PCDHGA2: variants seen among roughly 807,000 people sequenced by gnomAD.
The protein encoded by PCDHGA2 is protocadherin gamma-A2.
PCDHGA2 carries 40 observed loss-of-function variants against 59.2 expected under a neutral mutation model. The observed-to-expected ratio is 0.68, with a 90% CI of 0.52 to 0.88. PCDHGA2 has a LOEUF of 0.88. Ranked by LOEUF, PCDHGA2 falls within the 40% of genes least tolerant of loss-of-function variation. The pLI, the probability that PCDHGA2 is intolerant of heterozygous loss-of-function variation, is 0.00. For missense variants in PCDHGA2, 1,226 were observed against 1,204.0 expected, an observed-to-expected ratio of 1.02 and a Z score of -0.27; for synonymous variants, 560 against 526.0, an observed-to-expected ratio of 1.06 and a Z score of -0.89.
chr5:141,388,060 A>G lies in PCDHGA2; in HGVS notation c.2424+46665A>G, dbSNP rs1429863107. 16 of 1,381,916 alleles carry G rather than the reference A, an allele frequency of 1.2e-5. No individual in the cohort carries two copies. The highest frequency in any genetic ancestry group is 2.5e-5 in the East Asian group (1 of 40,268). The allele number at this position is 1,381,916 out of a possible 1,614,324, so 85.6% of individuals were successfully genotyped here. Reference sequence around the variant, plus strand: ...GCCACGGACCTGGGGTTCAGCGTCCAGGAGTTACCGACTCGAAAACTGCGC... The same window carrying G: ...GCCACGGACCTGGGGTTCAGCGTCCGGGAGTTACCGACTCGAAAACTGCGC... On this transcript the variant is annotated intron_variant, in intron 1 of 3. Transcript: ENST00000394576.
rs777566456 is a variant in PCDHGA2, at chr5:141,405,216, A to G, written c.2424+63821A>G. On this transcript the variant is annotated intron_variant, in intron 1 of 3. Coordinates refer to ENST00000394576, the MANE Select transcript of PCDHGA2 (RefSeq NM_018915.4). ...CGAGCTTTCCTACAGACCTATTCTCAGGAGTTCTCCCTCACCGCTGACTCA... is the reference window on the plus strand; with the variant it reads ...CGAGCTTTCCTACAGACCTATTCTCGGGAGTTCTCCCTCACCGCTGACTCA... 27 of 1,613,806 alleles carry G rather than the reference A, an allele frequency of 1.7e-5. No individual in the cohort carries two copies. In the Admixed American group the frequency reaches 2.7e-4, roughly 16 times the overall value.
chr5:141,339,934 T>C lies in PCDHGA2; in HGVS notation c.963T>C (p.Ala321=), dbSNP rs748957161. The C allele has an allele frequency of 6.2e-7, 1 of 1,614,118 alleles. No homozygotes were observed. The highest frequency in any genetic ancestry group is 8.5e-7 in the Non-Finnish European group (1 of 1,180,000). ...DATFHEIDIE[A]QDGPGLLTRA... is the part of the protein sequence containing the mutation. ...CATTCCATGAAATTGATATTGAAGC[T>C]CAGGATGGTCCGGGCCTTCTAACCA... Residue 321 remains alanine (A), a synonymous_variant, in exon 1 of 4, where the codon GCT becomes GCC. Coordinates refer to ENST00000394576, the MANE Select transcript of PCDHGA2 (RefSeq NM_018915.4).
rs767521224 is a variant in PCDHGA2 at position 141,431,148 on chromosome 5, C to T, written c.2425-63659C>T. 3.7e-6 allele frequency: 6 copies of T among 1,614,146 alleles called. No homozygotes were observed. Among genetic ancestry groups the T allele is most frequent in the Admixed American group, 1.7e-5 (1 of 60,030 alleles). On this transcript the variant is annotated intron_variant, in intron 1 of 3. Coordinates refer to ENST00000394576, the MANE Select transcript of PCDHGA2 (RefSeq NM_018915.4). The surrounding 1 kb of genome is among the most constrained non-coding windows in gnomAD (Gnocchi z 4.8). Reference sequence around the variant, plus strand: ...GAAGTAAGGGACATTAACGACAATGCGCCTTACTTTCGTGAAAGTGAATTA... The same window carrying T: ...GAAGTAAGGGACATTAACGACAATGTGCCTTACTTTCGTGAAAGTGAATTA...
At chr5:141,450,006 CTTTTTTT>C (rs1554136305) in intron 1 of PCDHGA2, among the ~76,000 whole-genome samples, 12 of 132,986 alleles carry the variant, frequency 9.0e-5, no homozygotes, top group Non-Finnish European at 1.7e-4. Context: ...TGCCATGTCT[CTTTTTTT>C]TTTTTTTTTT....
chr5:141,340,296 T>C lies in PCDHGA2; in HGVS notation c.1325T>C (p.Val442Ala). ...ACGGATGCTCACATTTTGCTCCAGG[T>C]GGCAGACATCAACGACAACGCACCC... ...LSTDAHILLQ[V>A]ADINDNAPAF... The change falls in exon 1 of 4, where the codon GTG (valine) becomes GCG (alanine). Residue 442 changes from valine (V) to alanine (A), a missense_variant. Transcript: ENST00000394576. 1 of 1,614,148 alleles carries C rather than the reference T, an allele frequency of 6.2e-7. No homozygotes were observed. Among genetic ancestry groups the C allele is most frequent in the Non-Finnish European group, 8.5e-7 (1 of 1,180,026 alleles).
At chr5:141,365,937 A>G (rs1431683352) in intron 1 of PCDHGA2, 3 of 1,614,226 alleles carry the variant, frequency 1.9e-6, no homozygotes, top group Non-Finnish European at 2.5e-6. Context: ...ACAGCCAGCG[A>G]CAGTGGGAAC....
Position 141,339,390 on chromosome 5 carries a change from T to G in PCDHGA2, c.419T>G (p.Leu140Arg). The change falls in exon 1 of 4, where the codon CTA (leucine) becomes CGA (arginine). Residue 140 changes from leucine to arginine, a missense_variant. Physicochemically the swap from Leu to Arg is moderately radical, Grantham distance 102 (BLOSUM62 -2). Coordinates refer to ENST00000394576, the MANE Select transcript of PCDHGA2 (RefSeq NM_018915.4). ...APRFGVEELE[L>R]KISETTTPGF... is the part of the protein sequence containing the mutation. ...CGCTTTGGAGTAGAGGAACTGGAGC[T>G]AAAAATCAGTGAAACCACTACGCCA... The G allele has an allele frequency of 6.2e-7, 1 of 1,614,180 alleles. No individual in the cohort carries two copies. Among genetic ancestry groups the G allele is most frequent in the Non-Finnish European group, 8.5e-7 (1 of 1,180,012 alleles).
At chr5:141,407,874 T>C (rs2094995185) in intron 1 of PCDHGA2, 1 of 358,496 alleles carries the variant, frequency 2.8e-6, no homozygotes, top group South Asian at 5.6e-5. Context: ...GAAGAATATA[T>C]ACATTTCGGA....
At chr5:141,441,855 G>A in intron 1 of PCDHGA2, 3 of 351,872 alleles carry the variant, frequency 8.5e-6, no homozygotes, top group Admixed American at 4.0e-5. Flanking sequence ...ATATGGTGCT[G>A]CACGCCGCGG....
intron 1 of PCDHGA2, chr5:141,365,574 C>T: frequency 1.9e-6 from 3 of 1,613,636 alleles, no homozygotes; most frequent in South Asian, 1.1e-5. Context: ...AGAGAAGAGA[C>T]TTCAGATTAT....
rs555862315 is a variant in PCDHGA2 at position 141,340,347 on chromosome 5, C to T, written c.1376C>T (p.Thr459Ile). ...GCCTTCTCCCGCACATCCTACTCCA[C>T]CTACATTCCCGAAAACAACCCCAGA... The part of the protein sequence containing the change: ...APAFSRTSYS[T>I]YIPENNPRGA... Residue 459 changes from threonine (T) to isoleucine (I), a missense_variant, in exon 1 of 4, where the codon ACC becomes ATC. Physicochemically the swap from Thr to Ile is moderately conservative, Grantham distance 89. Transcript: ENST00000394576. 24 of 1,614,108 alleles carry T rather than the reference C, an allele frequency of 1.5e-5. No homozygotes were observed. The South Asian group carries it at 2.4e-4, about 16-fold the overall frequency.
At chr5:141,478,118 G>C in intron 1 of PCDHGA2, 2 of 1,614,048 alleles carry the variant, frequency 1.2e-6, no homozygotes, top group African/African-American at 1.3e-5. Context: ...GTCAGTAACC[G>C]AGGACTCTCC....
chr5:141,339,156 A>G lies in PCDHGA2; in HGVS notation c.185A>G (p.Gln62Arg), dbSNP rs769567605. Residue 62 changes from glutamine to arginine, a missense_variant, in exon 1 of 4, where the codon CAG becomes CGG. Physicochemically the swap from Gln to Arg is conservative, Grantham distance 43. Coordinates refer to ENST00000394576, the MANE Select transcript of PCDHGA2 (RefSeq NM_018915.4). The stretch of plus-strand genomic sequence containing the variant: ...TTGGAGCCCCTGGCACTGGCAGAGC[A>G]GGGAGTCCGCATCGTCTCCAGAGGT... ...LGLEPLALAE[Q>R]GVRIVSRGRS... The G allele has an allele frequency of 3.1e-6, 5 of 1,614,206 alleles. No individual in the cohort carries two copies. The highest frequency in any genetic ancestry group is 4.2e-6 in the Non-Finnish European group (5 of 1,180,002).
intron 1 of PCDHGA2, chr5:141,440,160 G>A (rs568136682): frequency 6.6e-6 from 1 of 152,324 alleles, no homozygotes; most frequent in East Asian, 1.9e-4. Flanking sequence ...ATTATAGCTT[G>A]GGCCATAACG....
At chr5:141,463,103 A>G (rs1235750988) in intron 1 of PCDHGA2, among the ~76,000 whole-genome samples, 1 of 152,206 alleles carries the variant, frequency 6.6e-6, no homozygotes, top group African/African-American at 2.4e-5. Context: ...GTGACCATCA[A>G]GAATTCAGCT....
intron 1 of PCDHGA2, among the ~76,000 whole-genome samples, chr5:141,406,166 G>A (rs778809031): frequency 1.6e-4 from 24 of 151,400 alleles, no homozygotes; most frequent in Non-Finnish European, 3.2e-4. Context: ...TCAATCTCCT[G>A]GGCTTATGCA....
intron 1 of PCDHGA2, chr5:141,379,443 G>A (rs995348151): frequency 2.6e-5 from 4 of 152,168 alleles, no homozygotes; most frequent in African/African-American, 9.7e-5. Flanking sequence ...TTATACATAT[G>A]ATTATTTCAT....
chr5:141,413,371 C>T lies in PCDHGA2; in HGVS notation c.2424+71976C>T, dbSNP rs752898022. 3.7e-6 allele frequency: 6 copies of T among 1,613,966 alleles called. No individual in the cohort carries two copies. In the Admixed American group the frequency reaches 8.3e-5, roughly 22 times the overall value. On this transcript the variant is annotated intron_variant, in intron 1 of 3. Coordinates refer to ENST00000394576, the MANE Select transcript of PCDHGA2 (RefSeq NM_018915.4). ...TCTGGCGCCCCGGGAGCTGGCGGAG[C>T]GCGGAGTCCGCATAGTCTCCAGAGG...
intron 1 of PCDHGA2, among the ~76,000 whole-genome samples, chr5:141,468,788 C>T (rs2099179417): frequency 6.6e-6 from 1 of 151,926 alleles, no homozygotes; most frequent in Admixed American, 6.6e-5. Context: ...ATGGCGTGAA[C>T]CCGGGAGGCG....
Sources: gnomAD v4.1 joint callset for allele counts (sites outside exome capture counted in the v4.1 genomes callset) on GRCh38, gnomAD v4.1.1 for gene constraint, Gnocchi (gnomAD v3.1) non-coding constraint, MANE v1.5 for transcripts, NCBI Gene and HGNC (gene_info 2026-07-23, HGNC 2026-07-21) for gene names.